Variants in ZBTB48 observed in about 807,000 individuals in gnomAD.
The protein encoded by ZBTB48 is zinc finger and BTB domain containing 48.
A neutral mutation model predicts 64.5 loss-of-function variants in ZBTB48; 35 were observed. The ratio of observed to expected loss-of-function variants is 0.54; its 90% CI spans 0.41 to 0.72. The LOEUF is 0.72. Among genes scored for constraint, ZBTB48 ranks in the 30% least tolerant of loss-of-function variants. The pLI is 0.00. For synonymous variants in ZBTB48, 442 were observed against 356.7 expected (o/e 1.24, Z -2.70); for missense variants, 828 against 895.3 (o/e 0.92, Z 0.96).
rs1570180813 is a variant in ZBTB48 at position 6,588,833 on chromosome 1, T to G, written c.1759T>G (p.Phe587Val). The change falls in exon 10 of 11, where the codon TTT (phenylalanine) becomes GTT (valine). Residue 587 changes from phenylalanine (F) to valine (V), a missense_variant. By Grantham distance (50) the Phe-to-Val change is conservative. Transcript: ENST00000377674. ...KFECTECGYK[F>V]TRQAHLRRHM... ...TGAGTGCACCGAGTGTGGCTACAAG[T>G]TTACCCGACAGGTAGGCCAGGGCCT... The G allele has an allele frequency of 6.2e-7, 1 of 1,614,054 alleles. No individual in the cohort carries two copies. The highest frequency in any genetic ancestry group is 8.5e-7 in the Non-Finnish European group (1 of 1,180,006).
chr1:6,588,470 T>A, intron 9 of ZBTB48, 28 bp downstream of exon 9: 1 of 1,483,810 alleles, frequency 6.7e-7, no homozygotes, highest in East Asian at 2.4e-5. Context: ...GGAGAGCCAT[T>A]TCCTGCTCAT....
At chr1:6,588,591 C>T (rs1372968838) in intron 9 of ZBTB48, 149 bp downstream of exon 9, 2 of 1,438,784 alleles carry the variant, frequency 1.4e-6, no homozygotes, top group East Asian at 5.0e-5. Context: ...CAGGGGTGTC[C>T]TGTGCAGTAG....
At position 6,582,046 on chromosome 1, in the gene ZBTB48, A is replaced by G. The variant is rs762541232; in HGVS notation, c.691-12A>G. The G allele has an allele frequency of 6.2e-6, 10 of 1,611,606 alleles. No individual in the cohort carries two copies. The African/African-American group carries it at 8.0e-5, about 13-fold the overall frequency. On this transcript the variant is annotated splice_polypyrimidine_tract_variant and intron_variant, in intron 2 of 10. Coordinates refer to ENST00000377674, the MANE Select transcript of ZBTB48 (RefSeq NM_005341.4). ...GTGACGCCACCCCCTCCTGCTGCCT[A>G]TTGTGCTCTAGTGGGAAGTGGTGGT...
chr1:6,587,375 ACTTT>A, intron 6 of ZBTB48, 84 bp downstream of exon 6: 1 of 1,609,428 alleles, frequency 6.2e-7, no homozygotes, highest in Non-Finnish European at 8.5e-7. Flanking sequence ...CCGGCCATGT[ACTTT>A]CTGTTGTTCG....
At chr1:6,581,582 T>C (rs1435978756) in intron 2 of ZBTB48, among the ~76,000 whole-genome samples, 1 of 151,742 alleles carries the variant, frequency 6.6e-6, no homozygotes, top group Non-Finnish European at 1.5e-5. Context: ...GAGGATCACT[T>C]GAGCCCAGGA....
rs752321827 is a variant in ZBTB48 at position 6,589,129 on chromosome 1, G to C, written c.1984G>C (p.Ala662Pro). Residue 662 changes from alanine (A) to proline (P), a missense_variant, in exon 11 of 11, where the codon GCA becomes CCA. By Grantham distance (27) the Ala-to-Pro change is conservative. Coordinates refer to ENST00000377674, the MANE Select transcript of ZBTB48 (RefSeq NM_005341.4). ...CCAGCTCCCCGGCCAGAGACTGTGT[G>C]CAGAGGAGAGCTTCACCGGCCCAGG... ...ASQLPGQRLC[A>P]EESFTGPGVL... The C allele has an allele frequency of 6.3e-7, 1 of 1,595,758 alleles. No homozygotes were observed. Among genetic ancestry groups the C allele is most frequent in the South Asian group, 1.1e-5 (1 of 88,688 alleles).
At position 6,587,240 on chromosome 1, in the gene ZBTB48, G is replaced by A. The variant is rs1199885831; in HGVS notation, c.1173G>A (p.Lys391=). ...GCTCCCAGCAGTTCATGCAGAAGAAGGACTTGCAGAGCCACATGATCAAAC... is the reference window on the plus strand; with the variant it reads ...GCTCCCAGCAGTTCATGCAGAAGAAAGACTTGCAGAGCCACATGATCAAAC... ...SSCSQQFMQK[K]DLQSHMIKLH... The change falls in exon 6 of 11, where the codon AAG becomes AAA. Residue 391 remains lysine (K), a synonymous_variant. Coordinates refer to ENST00000377674, the MANE Select transcript of ZBTB48 (RefSeq NM_005341.4). 2 of 1,614,100 alleles carry A rather than the reference G, an allele frequency of 1.2e-6. No individual in the cohort carries two copies. The highest frequency in any genetic ancestry group is 1.6e-4 in the Middle Eastern group (1 of 6,062).
chr1:6,580,518 C>T lies in ZBTB48; in HGVS notation c.-69-23C>T, dbSNP rs1184421444. ...GATTATTTGAGTAGAGGCCAACTTCCCGTTTCTCTCTCTTGACTCCAGGAG... is the reference window on the plus strand; with the variant it reads ...GATTATTTGAGTAGAGGCCAACTTCTCGTTTCTCTCTCTTGACTCCAGGAG... On this transcript the variant is annotated intron_variant, in intron 1 of 10. Transcript: ENST00000377674. This position sits in a 1 kb window ranked among gnomAD's most constrained non-coding sequence, Gnocchi z 5.2. 2 of 1,367,750 alleles carry T rather than the reference C, an allele frequency of 1.5e-6. No individual in the cohort carries two copies. The highest frequency in any genetic ancestry group is 2.0e-6 in the Non-Finnish European group (2 of 1,003,130). 84.7% of individuals were successfully genotyped at this position (1,367,750 alleles called of 1,614,324 possible).
rs201220815 is a variant in ZBTB48 at position 6,581,240 on chromosome 1, A to C, written c.631A>C (p.Lys211Gln). 1 of 1,612,652 alleles carries C rather than the reference A, an allele frequency of 6.2e-7. No individual in the cohort carries two copies. Among genetic ancestry groups the C allele is most frequent in the African/African-American group, 1.3e-5 (1 of 74,912 alleles). ...PLEDKKPEDC[K>Q]VPPRPLEAEG... is the part of the protein sequence containing the mutation. ...TGAGGACAAGAAACCCGAGGACTGC[A>C]AAGTGCCCCCAAGGCCCTTAGAGGC... is the stretch of plus-strand genomic sequence containing the variant. Residue 211 changes from lysine to glutamine, a missense_variant, in exon 2 of 11, where the codon AAA (lysine) becomes CAA (glutamine). Coordinates refer to ENST00000377674, the MANE Select transcript of ZBTB48 (RefSeq NM_005341.4).
In ZBTB48 at chr1:6,588,281, G is replaced by A. The variant is rs773940991; in HGVS notation, c.1520G>A (p.Ser507Asn). The A allele has an allele frequency of 6.2e-7, 1 of 1,608,252 alleles. No individual in the cohort carries two copies. Among genetic ancestry groups the A allele is most frequent in the Non-Finnish European group, 8.5e-7 (1 of 1,175,598 alleles). ...AGCTCTTGCCTTGTGCCTGCAGCCA[G>A]CCTGGACAAGCACAACCGCACCCAC... Reference protein sequence around the residue: ...LCGKTFRTQASLDKHNRTHTG... With the variant: ...LCGKTFRTQANLDKHNRTHTG... The change falls in exon 9 of 11, where the codon AGC becomes AAC. Residue 507 changes from serine to asparagine, a missense_variant. Coordinates refer to ENST00000377674, the MANE Select transcript of ZBTB48 (RefSeq NM_005341.4).
Position 6,588,148 on chromosome 1 carries a change from G to A in ZBTB48, c.1468G>A (p.Glu490Lys), listed in dbSNP as rs763289377. Residue 490 changes from glutamate (E) to lysine (K), a missense_variant, in exon 8 of 11, where the codon GAG (glutamate) becomes AAG (lysine). Physicochemically the swap from Glu to Lys is moderately conservative, Grantham distance 56. Coordinates refer to ENST00000377674, the MANE Select transcript of ZBTB48 (RefSeq NM_005341.4). ...LNMHLRTHTG[E>K]KPFQCHLCGK... ...CATGCACCTGCGCACACACACGGGT[G>A]AGAAGCCCTTCCAGTGCCACCTCTG... 6.2e-7 allele frequency: 1 copy of A among 1,614,176 alleles called. No individual in the cohort carries two copies. The highest frequency in any genetic ancestry group is 8.5e-7 in the Non-Finnish European group (1 of 1,180,044).
In ZBTB48 at chr1:6,587,579, G is replaced by A. The variant is rs1377462338; in HGVS notation, c.1326G>A (p.Gly442=). ...AGCTGTTTGTGTGTGAGGAGTGTGG[G>A]CACCGGGCCTCGAGCCGGAATGGCC... ...GEKLFVCEEC[G]HRASSRNGLQ... is the part of the protein sequence containing the mutation. The change falls in exon 7 of 11, where the codon GGG becomes GGA. Residue 442 remains glycine, a synonymous_variant. Coordinates refer to ENST00000377674, the MANE Select transcript of ZBTB48 (RefSeq NM_005341.4). 2.5e-6 allele frequency: 4 copies of A among 1,613,782 alleles called. No individual in the cohort carries two copies. The African/African-American group carries it at 5.3e-5, about 22-fold the overall frequency.
In ZBTB48 at chr1:6,582,291, C is replaced by T. The variant is rs142684345; in HGVS notation, c.924C>T (p.Val308=). 22 of 1,607,496 alleles carry T rather than the reference C, an allele frequency of 1.4e-5. No homozygotes were observed. In the African/African-American group the frequency reaches 2.4e-4, roughly 18 times the overall value. The change falls in exon 3 of 11, where the codon GTC becomes GTT. Residue 308 remains valine, a synonymous_variant. Transcript: ENST00000377674. ...KKFLSKYYLK[V]HNRKHTGEKP... ...TCCTCAGCAAATATTATCTAAAAGT[C>T]CACAACAGGTAAACGTTCTGTTTTT... is the stretch of plus-strand genomic sequence containing the variant.
intron 3 of ZBTB48, 155 bp from the exon 4 acceptor site, chr1:6,585,764 G>A: frequency 1.5e-6 from 1 of 666,740 alleles, no homozygotes; most frequent in Non-Finnish European, 2.6e-6. Context: ...GAGTCTCCAT[G>A]CTGGGGGAGG....
intron 4 of ZBTB48, 45 bp downstream of exon 4, chr1:6,586,075 C>T: frequency 1.3e-6 from 2 of 1,589,534 alleles, no homozygotes; most frequent in Non-Finnish European, 1.7e-6. Flanking sequence ...GGCACACTGG[C>T]CTCTCTGTCT....
intron 3 of ZBTB48, 100 bp downstream of exon 3, chr1:6,582,399 G>A: frequency 6.8e-7 from 1 of 1,471,130 alleles, no homozygotes; most frequent in Non-Finnish European, 9.3e-7. Flanking sequence ...GGGGCTGGGG[G>A]ATCCATCTCA....
Position 6,582,317 on chromosome 1 carries a change from C to T in ZBTB48, c.932+18C>T. The T allele has an allele frequency of 6.2e-7, 1 of 1,601,262 alleles. No homozygotes were observed. The highest frequency in any genetic ancestry group is 8.5e-7 in the Non-Finnish European group (1 of 1,169,864). On this transcript the variant is annotated intron_variant, in intron 3 of 10. Coordinates refer to ENST00000377674, the MANE Select transcript of ZBTB48 (RefSeq NM_005341.4). ...CACAACAGGTAAACGTTCTGTTTTT[C>T]TATTTTCTTTTCCTGTCTGCCATTC...
intron 4 of ZBTB48, 23 bp from the exon 5 acceptor site, chr1:6,586,672 C>T: frequency 6.6e-7 from 1 of 1,524,370 alleles, no homozygotes; most frequent in Non-Finnish European, 8.8e-7. Context: ...GATGCCGGCC[C>T]TGCTTGCCCC....
At chr1:6,585,785 T>C (rs1462233791) in intron 3 of ZBTB48, 134 bp from the exon 4 acceptor site, 11 of 784,384 alleles carry the variant, frequency 1.4e-5, no homozygotes, top group Non-Finnish European at 2.1e-5. Flanking sequence ...CTTCTGGGCT[T>C]GTCCCTGCAC....
Sources: gnomAD v4.1 joint callset for allele counts (sites outside exome capture counted in the v4.1 genomes callset) on GRCh38, gnomAD v4.1.1 for gene constraint, Gnocchi (gnomAD v3.1) non-coding constraint, MANE v1.5 for transcripts, NCBI Gene and HGNC (gene_info 2026-07-23, HGNC 2026-07-21) for gene names.